CLDN16: variants seen among roughly 807,000 people sequenced by gnomAD.
CLDN16 encodes claudin 16, also known as claudin-16.
Under a neutral mutation model 24.6 loss-of-function variants are expected in CLDN16, and 13 were observed. The ratio of observed to expected loss-of-function variants is 0.53; its 90% CI spans 0.34 to 0.84. CLDN16 has a LOEUF of 0.84. CLDN16 is among the 40% of genes least tolerant of loss of function. The pLI is 0.01. For synonymous variants in CLDN16, 116 were observed against 106.7 expected (o/e 1.09, Z -0.54); for missense variants, 298 against 292.7 (o/e 1.02, Z -0.13).
the CLDN16 span, among the ~76,000 whole-genome samples, chr3:190,309,532 G>A: frequency 2.6e-5 from 4 of 152,212 alleles, no homozygotes; most frequent in Non-Finnish European, 1.5e-5. Context: ...TGTGAAGACA[G>A]TGAGATGAAG....
intron 1 of CLDN16, among the ~76,000 whole-genome samples, chr3:190,358,872 C>A (rs1381507010): frequency 2.6e-5 from 4 of 152,008 alleles, no homozygotes; most frequent in Admixed American, 2.6e-4. Context: ...AAGATATAAT[C>A]CAATTTAATG....
Position 190,410,178 on chromosome 3 carries a change from T to TAAG in CLDN16, c.*142_*143insAAG. 1 of 975,768 alleles carries TAAG rather than the reference T, an allele frequency of 1.0e-6. No individual in the cohort carries two copies. The highest frequency in any genetic ancestry group is 1.6e-6 in the Non-Finnish European group (1 of 629,974). 60.4% of individuals were successfully genotyped at this position (975,768 alleles called of 1,614,324 possible). ...TGCTAGCTTAATCAAAATGTTTGATTCTCCTATACTTTTTCTTTCTATTAC... is the reference window on the plus strand; with the variant it reads ...TGCTAGCTTAATCAAAATGTTTGATTAAGCTCCTATACTTTTTCTTTCTATTAC... On this transcript the variant is annotated 3_prime_UTR_variant, in exon 5 of 5. Coordinates refer to ENST00000264734, the MANE Select transcript of CLDN16 (RefSeq NM_006580.4).
At chr3:190,327,783 G>A (rs149036394) in intron 1 of CLDN16, among the ~76,000 whole-genome samples, 169 of 152,320 alleles carry the variant, frequency 1.1e-3, no homozygotes, top group African/African-American at 3.8e-3. Context: ...TGAATAGGAA[G>A]TACTCAGTAA....
intron 3 of CLDN16, among the ~76,000 whole-genome samples, chr3:190,382,962 C>T (rs1299891033): frequency 6.6e-6 from 1 of 152,076 alleles, no homozygotes; most frequent in East Asian, 1.9e-4. Context: ...CCGTAATGAA[C>T]ACTAGACTTC....
intron 1 of CLDN16, among the ~76,000 whole-genome samples, chr3:190,400,998 TA>T (rs528786658): frequency 7.0e-4 from 106 of 152,304 alleles, no homozygotes; most frequent in South Asian, 3.5e-3. Context: ...GGATGATAAA[TA>T]ATATCTCTTA....
At chr3:190,322,510 GCGCC>G, upstream of CLDN16, 1 of 386,368 alleles carries the variant, frequency 2.6e-6, no homozygotes. Flanking sequence ...CAGCCGGGGA[GCGCC>G]CCCTGGCGGT....
chr3:190,366,674 T>C (rs1051077581), intron 1 of CLDN16, among the ~76,000 whole-genome samples: 2 of 151,972 alleles, frequency 1.3e-5, no homozygotes, highest in African/African-American at 4.8e-5. Context: ...GGATGACCCT[T>C]CAGAGTTGAC....
chr3:190,309,348 G>C, the CLDN16 span, among the ~76,000 whole-genome samples: 3 of 152,116 alleles, frequency 2.0e-5, no homozygotes, highest in African/African-American at 7.2e-5. Context: ...CTTATGGGAT[G>C]GGCTCCAACA....
chr3:190,372,464 G>T (rs1323392234), intron 2 of CLDN16, among the ~76,000 whole-genome samples: 1 of 151,488 alleles, frequency 6.6e-6, no homozygotes, highest in African/African-American at 2.4e-5. Context: ...GAAACATGTT[G>T]AGACCCCCTT....
intron 1 of CLDN16, among the ~76,000 whole-genome samples, chr3:190,400,083 T>C (rs1197921808): frequency 6.6e-6 from 1 of 152,148 alleles, no homozygotes; most frequent in Admixed American, 6.5e-5. Flanking sequence ...CGGTCCCTGG[T>C]GCCAAAAAGG....
upstream of CLDN16, among the ~76,000 whole-genome samples, chr3:190,320,480 C>G (rs1391129511): frequency 6.6e-6 from 1 of 152,114 alleles, no homozygotes; most frequent in Admixed American, 6.6e-5. Context: ...GGGCAATGAG[C>G]AACACATAAT....
intron 1 of CLDN16, among the ~76,000 whole-genome samples, chr3:190,336,220 C>T (rs4096912): frequency 0.071 from 10,747 of 152,182 alleles, 570 homozygotes; most frequent in African/African-American, 0.14. Context: ...CATGTTGAGC[C>T]GGTGAACCAT....
chr3:190,399,426 C>T (rs1045682195), intron 1 of CLDN16, among the ~76,000 whole-genome samples: 3 of 152,054 alleles, frequency 2.0e-5, no homozygotes, highest in Admixed American at 6.6e-5. Flanking sequence ...GCAGGAGAAT[C>T]GCTTGAACCC....
At chr3:190,310,079 C>G in the CLDN16 span, 3 of 1,038,178 alleles carry the variant, frequency 2.9e-6, no homozygotes, top group Non-Finnish European at 4.5e-6. Flanking sequence ...GAAAGCAAAT[C>G]TGGGAAATGA....
chr3:190,327,082 CAG>C (rs1717079862), intron 1 of CLDN16, among the ~76,000 whole-genome samples: 1 of 151,830 alleles, frequency 6.6e-6, no homozygotes, highest in African/African-American at 2.4e-5. Context: ...AAGGGAGAGA[CAG>C]AGATTTATTA....
intron 2 of CLDN16, among the ~76,000 whole-genome samples, chr3:190,371,633 T>C (rs1268049151): frequency 2.6e-5 from 4 of 151,982 alleles, no homozygotes; most frequent in Non-Finnish European, 5.9e-5. Context: ...GTCAGATCTA[T>C]GAAGTAGTGA....
At chr3:190,363,596 A>ATATATATATT (rs1460049752) in intron 1 of CLDN16, among the ~76,000 whole-genome samples, 6 of 131,168 alleles carry the variant, frequency 4.6e-5, no homozygotes, top group Admixed American at 7.8e-5. Context: ...ATATATATAT[A>ATATATATATT]TTTTCTTTCT....
intron 1 of CLDN16, among the ~76,000 whole-genome samples, chr3:190,336,254 A>G (rs16865402): frequency 0.071 from 10,738 of 152,254 alleles, 569 homozygotes; most frequent in African/African-American, 0.14. Flanking sequence ...GACAAGAGCA[A>G]AACTTCAGAA....
At chr3:190,387,050 C>CTTTCTTTCTCTCCCTCCCAA (rs1321321492), upstream of CLDN16, among the ~76,000 whole-genome samples, 3 of 152,062 alleles carry the variant, frequency 2.0e-5, no homozygotes, top group African/African-American at 7.2e-5. Context: ...TTCTCTGCTC[C>CTTTCTTTCTCTCCCTCCCAA]TTTCTTTCTC....
Sources: gnomAD v4.1 joint callset for allele counts (sites outside exome capture counted in the v4.1 genomes callset) on GRCh38, gnomAD v4.1.1 for gene constraint, MANE v1.5 for transcripts, NCBI Gene and HGNC (gene_info 2026-07-23, HGNC 2026-07-21) for gene names.